Variants in CLASP2 observed in about 807,000 individuals in gnomAD.
The protein encoded by CLASP2 is cytoplasmic linker associated protein 2.
A neutral mutation model predicts 194.4 loss-of-function variants in CLASP2; 47 were observed. That is an observed-to-expected ratio of 0.24 (90% CI 0.19 to 0.31). The LOEUF (loss-of-function observed/expected upper bound fraction) is 0.31, where lower values mean the gene tolerates loss of function less well. Among genes scored for constraint, CLASP2 ranks in the 10% least tolerant of loss-of-function variants. CLASP2 has a pLI of 1.00. For synonymous variants in CLASP2, 619 were observed against 633.5 expected (o/e 0.98, Z 0.34); for missense variants, 1,445 against 1,823.6 (o/e 0.79, Z 3.78).
At chr3:33,621,836 ACAGC>A (rs1407651151) in intron 11 of CLASP2, among the ~76,000 whole-genome samples, 1 of 152,190 alleles carries the variant, frequency 6.6e-6, no homozygotes, top group Non-Finnish European at 1.5e-5. Context: ...AAAAGTGAAT[ACAGC>A]CAGTTTCCAG....
chr3:33,717,850 T>C lies in CLASP2; in HGVS notation c.153A>G (p.Thr51=), dbSNP rs1480962634. The change falls in exon 1 of 39, where the codon ACA becomes ACG. Residue 51 remains threonine, a synonymous_variant. Transcript: ENST00000682230. ...CCACCCAGCCGGTGAGCGCGTCGACTGTCTTGCCTAGGCGGCCCAGGTCCT... is the reference window on the plus strand; with the variant it reads ...CCACCCAGCCGGTGAGCGCGTCGACCGTCTTGCCTAGGCGGCCCAGGTCCT... ...LEEDLGRLGK[T]VDALTGWVGS... is the part of the protein sequence containing the mutation. 3.2e-6 allele frequency: 5 copies of C among 1,565,366 alleles called. No individual in the cohort carries two copies. In the South Asian group the frequency reaches 5.9e-5, roughly 18 times the overall value.
At chr3:33,704,386 C>T (rs2092564594) in intron 1 of CLASP2, among the ~76,000 whole-genome samples, 1 of 151,990 alleles carries the variant, frequency 6.6e-6, no homozygotes, top group Non-Finnish European at 1.5e-5. Flanking sequence ...CCTAAAACTG[C>T]TCTAAAAAAA....
At chr3:33,711,439 T>C (rs78740200) in intron 1 of CLASP2, among the ~76,000 whole-genome samples, 1 of 150,978 alleles carries the variant, frequency 6.6e-6, no homozygotes, top group African/African-American at 2.4e-5. Context: ...TTTTTTTTTT[T>C]GGTAGAGACA....
chr3:33,645,237 T>C (rs2082080287), intron 7 of CLASP2: 1 of 765,004 alleles, frequency 1.3e-6, no homozygotes, highest in Non-Finnish European at 2.4e-6. Flanking sequence ...GTGTATCTTC[T>C]AGCACGCCCT....
chr3:33,705,612 A>G (rs2092639601), intron 1 of CLASP2, among the ~76,000 whole-genome samples: 1 of 152,226 alleles, frequency 6.6e-6, no homozygotes. Context: ...ATATGAGCCA[A>G]GCAGTATCTC....
chr3:33,594,110 C>G (rs2069564984), intron 20 of CLASP2, among the ~76,000 whole-genome samples: 1 of 152,162 alleles, frequency 6.6e-6, no homozygotes, highest in African/African-American at 2.4e-5. Context: ...TTTCAAAGTG[C>G]TGGGATTTCA....
intron 28 of CLASP2, among the ~76,000 whole-genome samples, chr3:33,559,863 C>T (rs530864384): frequency 2.6e-4 from 40 of 152,138 alleles, no homozygotes; most frequent in African/African-American, 9.6e-4. Context: ...CATTGCACTC[C>T]AGCATGGGCA....
intron 33 of CLASP2, among the ~76,000 whole-genome samples, chr3:33,537,125 G>A (rs1434319373): frequency 6.6e-6 from 1 of 152,064 alleles, no homozygotes; most frequent in African/African-American, 2.4e-5. Context: ...CCAGGAACCG[G>A]GATTTGAACT....
At chr3:33,553,829 G>C (rs534244689) in intron 29 of CLASP2, among the ~76,000 whole-genome samples, 1 of 152,314 alleles carries the variant, frequency 6.6e-6, no homozygotes, top group East Asian at 1.9e-4. Flanking sequence ...ACTGCCATAT[G>C]ATCCAGCATT....
rs749533648 is a variant in CLASP2 at position 33,581,839 on chromosome 3, G to A, written c.2329C>T (p.Arg777Cys). ...TACGTACCGAGGGGCTGAAAAGAGC[G>A]AACAGGACTTGTGTCTCTGCTGCTC... ...RESSRDTSPV[R>C]SFQPLGPGYG... is the part of the protein sequence containing the mutation. Residue 777 changes from arginine (R) to cysteine (C), a missense_variant, in exon 23 of 39, where the codon CGC becomes TGC. By Grantham distance (180) the Arg-to-Cys change is radical. Around this residue, in one of 4 missense-constraint regions of CLASP2, gnomAD observed 732 missense variants for 987.9 expected, o/e 0.74. Coordinates refer to ENST00000682230, the MANE Select transcript of CLASP2 (RefSeq NM_001365631.1). The A allele has an allele frequency of 3.1e-6, 5 of 1,613,190 alleles. No individual in the cohort carries two copies. The South Asian group carries it at 3.3e-5, about 11-fold the overall frequency.
intron 1 of CLASP2, among the ~76,000 whole-genome samples, chr3:33,713,092 G>C (rs1452377899): frequency 6.6e-6 from 1 of 151,244 alleles, no homozygotes; most frequent in African/African-American, 2.4e-5. Flanking sequence ...AATTGGTAGT[G>C]GCAGCATTTA....
In CLASP2 at chr3:33,516,083, T is replaced by G; in HGVS notation, c.4050A>C (p.Lys1350Asn). The G allele has an allele frequency of 6.2e-7, 1 of 1,610,634 alleles. No individual in the cohort carries two copies. The highest frequency in any genetic ancestry group is 8.5e-7 in the Non-Finnish European group (1 of 1,178,236). Residue 1350 changes from lysine (K) to asparagine (N), a missense_variant, in exon 36 of 39, where the codon AAA becomes AAC. Physicochemically the swap from Lys to Asn is moderately conservative, Grantham distance 94. Around this residue, in one of 4 missense-constraint regions of CLASP2, gnomAD observed 732 missense variants for 987.9 expected, o/e 0.74. Coordinates refer to ENST00000682230, the MANE Select transcript of CLASP2 (RefSeq NM_001365631.1). ...TCATGACAGTCAATTCTGCATAGTT[T>G]TTAAATCTTGCTGGTTGATGCCTTA... ...EILRHQPARFKNYAELTVMKT... is the reference protein window; with the variant it reads ...EILRHQPARFNNYAELTVMKT...
chr3:33,702,197 A>G lies in CLASP2; in HGVS notation c.196-5264T>C, dbSNP rs560027596. ...TTGTCAAAACAAGCTTGAAAAAGAA[A>G]AAGTTGGAAGACTCAAATTTCCCAA... On this transcript the variant is annotated intron_variant, in intron 1 of 38. Transcript: ENST00000682230. Among the ~76,000 whole-genome samples the G allele has an allele frequency of 1.1e-4, 16 of 152,356 alleles. No homozygotes were observed. The South Asian group carries it at 3.1e-3, about 30-fold the overall frequency.
At chr3:33,642,817 T>C (rs1458594374) in intron 8 of CLASP2, among the ~76,000 whole-genome samples, 1 of 150,900 alleles carries the variant, frequency 6.6e-6, no homozygotes, top group Non-Finnish European at 1.5e-5. Flanking sequence ...GATAGAAAAA[T>C]GGGCAATAAA....
chr3:33,510,129 C>G (rs1344251916), intron 37 of CLASP2, among the ~76,000 whole-genome samples: 1 of 151,944 alleles, frequency 6.6e-6, no homozygotes, highest in African/African-American at 2.4e-5. Flanking sequence ...TGAAATAAGC[C>G]AGACTTAAAA....
chr3:33,529,386 C>A (rs2055530318), intron 34 of CLASP2, among the ~76,000 whole-genome samples: 1 of 152,140 alleles, frequency 6.6e-6, no homozygotes, highest in South Asian at 2.1e-4. Flanking sequence ...GCAAAAAGAA[C>A]AAAGCTAGAG....
chr3:33,604,123 G>C, intron 17 of CLASP2, 31 bp downstream of exon 17: 1 of 1,481,638 alleles, frequency 6.7e-7, no homozygotes. Flanking sequence ...AGATAAAATA[G>C]GTTATAACTC....
chr3:33,669,240 T>G (rs2086721870), intron 6 of CLASP2, among the ~76,000 whole-genome samples: 1 of 152,150 alleles, frequency 6.6e-6, no homozygotes, highest in Non-Finnish European at 1.5e-5. Flanking sequence ...TTACCTGAAG[T>G]CTTTTATCAT....
intron 37 of CLASP2, 85 bp downstream of exon 37, chr3:33,510,473 G>T: frequency 1.6e-6 from 2 of 1,223,274 alleles, no homozygotes. Flanking sequence ...GCTTGATCAT[G>T]CCAGTAATGA....
Sources: allele counts gnomAD v4.1 joint callset (sites outside exome capture counted in the v4.1 genomes callset), GRCh38; gene constraint gnomAD v4.1.1; regional missense constraint gnomAD v4.1.1; transcripts MANE v1.5; gene names NCBI Gene and HGNC (gene_info 2026-07-23, HGNC 2026-07-21).